Variants in ANKRD17 observed in about 807,000 individuals in gnomAD.
ANKRD17 encodes ankyrin repeat domain 17.
A neutral mutation model predicts 229.7 loss-of-function variants in ANKRD17; 19 were observed. The ratio of observed to expected loss-of-function variants is 0.08; its 90% confidence interval spans 0.06 to 0.12. The LOEUF (loss-of-function observed/expected upper bound fraction) is 0.12. Ranked by LOEUF, ANKRD17 falls within the 10% of genes least tolerant of loss-of-function variation. ANKRD17 has a pLI of 1.00. For missense variants in ANKRD17, 2,176 were observed against 3,176.8 expected (o/e 0.68, Z 7.57); for synonymous variants, 1,112 against 1,146.1 (o/e 0.97, Z 0.60).
At position 73,177,365 on chromosome 4, in the gene ANKRD17, A is replaced by G. The variant is rs1347040782; in HGVS notation, c.547+15T>C. On this transcript the variant is annotated intron_variant, in intron 2 of 33. Coordinates refer to ENST00000358602, the MANE Select transcript of ANKRD17 (RefSeq NM_032217.5). Reference sequence around the variant, plus strand: ...TACATAACAAGGTAGACTTATTACTATGTAGAGTACATACCTGCAGCTTCT... The same window carrying G: ...TACATAACAAGGTAGACTTATTACTGTGTAGAGTACATACCTGCAGCTTCT... 6.4e-7 allele frequency: 1 copy of G among 1,561,512 alleles called. No homozygotes were observed. The highest frequency in any genetic ancestry group is 1.2e-5 in the South Asian group (1 of 81,528).
rs533387897 is a variant in ANKRD17, at chr4:73,090,963, G to A, written c.6665C>T (p.Ser2222Leu). Reference sequence around the variant, plus strand: ...ACAAGCACTTTGTGTACTTAAGGTCGAAGGTAGCTGGACAGAAGAGGGAAC... The same window carrying A: ...ACAAGCACTTTGTGTACTTAAGGTCAAAGGTAGCTGGACAGAAGAGGGAAC... ...HSVPSSVQLP[S>L]TLSTQSACQN... is the part of the protein sequence containing the mutation. Residue 2222 changes from serine (S) to leucine (L), a missense_variant, in exon 29 of 34, where the codon TCG (serine) becomes TTG (leucine). Ser to Leu is a moderately radical substitution (Grantham distance 145, BLOSUM62 -2). Coordinates refer to ENST00000358602, the MANE Select transcript of ANKRD17 (RefSeq NM_032217.5). The A allele has an allele frequency of 1.4e-4, 231 of 1,614,222 alleles. 1 individual carries two copies. In the South Asian group the frequency reaches 1.6e-3, roughly 11 times the overall value.
intron 1 of ANKRD17, among the ~76,000 whole-genome samples, chr4:73,242,760 G>A (rs187590744): frequency 9.9e-5 from 15 of 152,132 alleles, no homozygotes; most frequent in East Asian, 3.9e-4. Context: ...AAATAATTTC[G>A]CCAAGGTTCA....
At chr4:73,249,434 T>C (rs1744787169) in intron 1 of ANKRD17, among the ~76,000 whole-genome samples, 1 of 152,238 alleles carries the variant, frequency 6.6e-6, no homozygotes, top group South Asian at 2.1e-4. Flanking sequence ...CAATGTACTT[T>C]CAAATAATCT....
intron 16 of ANKRD17, among the ~76,000 whole-genome samples, chr4:73,131,071 C>G (rs1304183974): frequency 6.6e-6 from 1 of 152,108 alleles, no homozygotes; most frequent in Non-Finnish European, 1.5e-5. Flanking sequence ...AAAATAGTCC[C>G]AAATAATTCC....
At chr4:73,108,751 C>A (rs1024148287) in intron 24 of ANKRD17, among the ~76,000 whole-genome samples, 10 of 152,082 alleles carry the variant, frequency 6.6e-5, no homozygotes, top group Admixed American at 4.6e-4. Context: ...ATGGAGGTGA[C>A]TGAAAGCGGC....
intron 1 of ANKRD17, among the ~76,000 whole-genome samples, chr4:73,249,274 C>T (rs1473744499): frequency 1.3e-5 from 2 of 151,990 alleles, no homozygotes; most frequent in Non-Finnish European, 2.9e-5. Flanking sequence ...CTTTTCTATT[C>T]CTTTCTTTTG....
intron 22 of ANKRD17, among the ~76,000 whole-genome samples, chr4:73,117,861 G>A (rs980207676): frequency 6.6e-5 from 10 of 152,136 alleles, no homozygotes; most frequent in African/African-American, 1.9e-4. Flanking sequence ...ACAGCTCTGT[G>A]CTATGTACAG....
intron 1 of ANKRD17, among the ~76,000 whole-genome samples, chr4:73,205,681 C>A (rs1196822355): frequency 1.3e-5 from 2 of 152,074 alleles, no homozygotes. Flanking sequence ...ACTGGTTGGG[C>A]AATGAATTTT....
Position 73,091,338 on chromosome 4 carries a change from C to T in ANKRD17, c.6290G>A (p.Ser2097Asn). ...ATGAGCTGATGAACTCCCAGAAGAA[C>T]TGCTGCTGTTTGGAGGTCTAGTGTT... ...TTNTRPPNSS[S>N]SSGSSSAHSN... The change falls in exon 29 of 34, where the codon AGT (serine) becomes AAT (asparagine). Residue 2097 changes from serine (S) to asparagine (N), a missense_variant. Physicochemically the swap from Ser to Asn is conservative, Grantham distance 46 (BLOSUM62 1). This residue lies in a region of ANKRD17 where 424 missense variants were observed against 454.0 expected (regional missense o/e 0.93). Transcript: ENST00000358602. 6.2e-7 allele frequency: 1 copy of T among 1,614,132 alleles called. No homozygotes were observed. The highest frequency in any genetic ancestry group is 1.3e-5 in the African/African-American group (1 of 75,054).
intron 30 of ANKRD17, among the ~76,000 whole-genome samples, chr4:73,082,318 C>T (rs1316287191): frequency 4.0e-5 from 6 of 151,512 alleles, no homozygotes; most frequent in African/African-American, 1.2e-4. Flanking sequence ...AAAATAAATA[C>T]ATAAAAATAA....
intron 1 of ANKRD17, among the ~76,000 whole-genome samples, chr4:73,244,708 C>T (rs1744335282): frequency 1.3e-5 from 2 of 152,076 alleles, no homozygotes; most frequent in South Asian, 2.1e-4. Context: ...CCATCCTATA[C>T]CTTAACTAAT....
chr4:73,126,657 T>C (rs1375047641), intron 16 of ANKRD17, among the ~76,000 whole-genome samples: 1 of 152,228 alleles, frequency 6.6e-6, no homozygotes, highest in Non-Finnish European at 1.5e-5. Context: ...ACATATTAGA[T>C]TTACCAGTGT....
intron 24 of ANKRD17, among the ~76,000 whole-genome samples, chr4:73,107,335 G>C (rs1724764111): frequency 6.6e-6 from 1 of 152,170 alleles, no homozygotes; most frequent in African/African-American, 2.4e-5. Context: ...GGAAGGTAGG[G>C]GAAAGATCCA....
chr4:73,216,983 A>G (rs1416042995), intron 1 of ANKRD17, among the ~76,000 whole-genome samples: 1 of 152,204 alleles, frequency 6.6e-6, no homozygotes, highest in Non-Finnish European at 1.5e-5. Flanking sequence ...CTGCTCACCA[A>G]CTTTGTAGTG....
intron 1 of ANKRD17, among the ~76,000 whole-genome samples, chr4:73,181,826 T>C (rs965725600): frequency 2.6e-5 from 4 of 151,804 alleles, no homozygotes; most frequent in Non-Finnish European, 4.4e-5. Flanking sequence ...GGCGGGTGCA[T>C]TGCCTGGGGT....
intron 1 of ANKRD17, among the ~76,000 whole-genome samples, chr4:73,202,558 T>C (rs981053111): frequency 3.3e-5 from 5 of 152,050 alleles, no homozygotes; most frequent in East Asian, 1.9e-4. Context: ...ATTGAACACA[T>C]AGGTATTTAG....
At chr4:73,190,937 A>C (rs1736989246) in intron 1 of ANKRD17, among the ~76,000 whole-genome samples, 1 of 152,188 alleles carries the variant, frequency 6.6e-6, no homozygotes, top group African/African-American at 2.4e-5. Context: ...GGAGAGGCAT[A>C]CCATGTTCCT....
At chr4:73,093,306 A>G (rs957188471) in intron 28 of ANKRD17, among the ~76,000 whole-genome samples, 1 of 151,960 alleles carries the variant, frequency 6.6e-6, no homozygotes, top group African/African-American at 2.4e-5. Flanking sequence ...ATATTCAGGC[A>G]TAGACATATT....
rs973339122 is a variant in ANKRD17 at position 73,160,389 on chromosome 4, T to G, written c.704+803A>C. 2.1e-4 allele frequency among the ~76,000 whole-genome samples: 32 copies of G among 152,270 alleles called. 2 individuals carry two copies. The highest frequency in any genetic ancestry group is 1.5e-3 in the Admixed American group (23 of 15,294). On this transcript the variant is annotated intron_variant, in intron 3 of 33. Transcript: ENST00000358602. Reference sequence around the variant, plus strand: ...GTGCGCCACCACACCCGGCTAATTTTTGTGTTCTTAGTAGAGACAGGGTTT... The same window carrying G: ...GTGCGCCACCACACCCGGCTAATTTGTGTGTTCTTAGTAGAGACAGGGTTT...
Sources: gnomAD v4.1 joint callset for allele counts (sites outside exome capture counted in the v4.1 genomes callset) on GRCh38, gnomAD v4.1.1 for gene constraint, gnomAD v4.1.1 regional missense constraint, MANE v1.5 for transcripts, NCBI Gene and HGNC (gene_info 2026-07-23, HGNC 2026-07-21) for gene names.